The following BCAS4 variants were observed in gnomAD, a reference collection of about 807,000 sequenced individuals.
The protein encoded by BCAS4 is breast carcinoma amplified sequence 4.
A neutral mutation model predicts 15.7 loss-of-function variants in BCAS4; 9 were observed. The observed-to-expected ratio is 0.57, with a 90% confidence interval of 0.34 to 1.00. BCAS4 has a LOEUF of 1.00. BCAS4 is among the 50% of genes least tolerant of loss of function. BCAS4 has a pLI of 0.02. For missense variants in BCAS4, 225 were observed against 239.1 expected, an observed-to-expected ratio of 0.94 and a Z score of 0.39; for synonymous variants, 101 against 99.5, an observed-to-expected ratio of 1.02 and a Z score of -0.09.
chr20:50,858,163 C>G (rs1401779228), intron 4 of BCAS4, among the ~76,000 whole-genome samples: 2 of 152,192 alleles, frequency 1.3e-5, no homozygotes, highest in Admixed American at 6.5e-5. Context: ...TGGGGCTTGG[C>G]TCCAGGAACC....
chr20:50,865,521 G>A (rs1451883801), intron 4 of BCAS4, among the ~76,000 whole-genome samples: 1 of 152,182 alleles, frequency 6.6e-6, no homozygotes, highest in Non-Finnish European at 1.5e-5. Flanking sequence ...GCTAAAAGCA[G>A]AATCTGTGGG....
intron 1 of BCAS4, among the ~76,000 whole-genome samples, chr20:50,812,376 G>GC (rs111900093): frequency 2.7e-5 from 4 of 149,976 alleles, no homozygotes; most frequent in South Asian, 2.1e-4. Flanking sequence ...GTTGTGATCC[G>GC]CCCCCCCTTG....
intron 3 of BCAS4, chr20:50,841,011 G>A (rs747897455): frequency 1.5e-3 from 615 of 398,330 alleles, no homozygotes; most frequent in Non-Finnish European, 2.3e-3. Context: ...TGTATTTTTA[G>A]CAGAGACGCA....
At chr20:50,837,325 G>A (rs937822713) in intron 3 of BCAS4, among the ~76,000 whole-genome samples, 1 of 151,950 alleles carries the variant, frequency 6.6e-6, no homozygotes, top group Admixed American at 6.6e-5. Flanking sequence ...ATAGTGGCTC[G>A]GCCTGTAATC....
intron 3 of BCAS4, among the ~76,000 whole-genome samples, chr20:50,837,356 G>A (rs984771587): frequency 6.6e-6 from 1 of 152,154 alleles, no homozygotes; most frequent in Non-Finnish European, 1.5e-5. Flanking sequence ...GGAGGCCGAA[G>A]TGGGAGGATC....
chr20:50,834,222 C>G (rs6091220), intron 3 of BCAS4, among the ~76,000 whole-genome samples: 7,815 of 151,572 alleles, frequency 0.052, 224 homozygotes, highest in African/African-American at 0.071. Context: ...TTTTTTGATT[C>G]ATTCATTCAT....
rs529865241 is a variant in BCAS4 at position 50,807,337 on chromosome 20, C to T, written c.91-10874C>T. 3.3e-5 allele frequency among the ~76,000 whole-genome samples: 5 copies of T among 151,734 alleles called. No homozygotes were observed. In the East Asian group the frequency reaches 7.8e-4, roughly 24 times the overall value. ...CCTCCCAAGTAGCTGGGACTACAGGCATGTGCCACCATGCCCAGCTAATTT... is the reference window on the plus strand; with the variant it reads ...CCTCCCAAGTAGCTGGGACTACAGGTATGTGCCACCATGCCCAGCTAATTT... On this transcript the variant is annotated intron_variant, in intron 1 of 4. Transcript: ENST00000371608.
At chr20:50,833,982 C>G (rs185931203) in intron 3 of BCAS4, among the ~76,000 whole-genome samples, 61 of 152,214 alleles carry the variant, frequency 4.0e-4, no homozygotes, top group African/African-American at 1.3e-3. Context: ...GGGGAGGGAG[C>G]AGCTTGTGCA....
chr20:50,860,363 T>C (rs1203745946), intron 4 of BCAS4, among the ~76,000 whole-genome samples: 2 of 152,092 alleles, frequency 1.3e-5, no homozygotes, highest in Non-Finnish European at 2.9e-5. Context: ...CTGAGCAGGG[T>C]CCCGCCAGGT....
chr20:50,834,239 A>G (rs1446519431), intron 3 of BCAS4, among the ~76,000 whole-genome samples: 1 of 150,258 alleles, frequency 6.7e-6, no homozygotes, highest in East Asian at 1.9e-4. Context: ...TCATTCATTC[A>G]TTGTAGAGAC....
chr20:50,802,675 C>T (rs939508721), intron 1 of BCAS4, among the ~76,000 whole-genome samples: 1 of 152,188 alleles, frequency 6.6e-6, no homozygotes, highest in African/African-American at 2.4e-5. Context: ...AGTTCCAGAC[C>T]AGCCTGGCCA....
At chr20:50,824,492 G>A (rs1249476175) in intron 2 of BCAS4, among the ~76,000 whole-genome samples, 1 of 152,222 alleles carries the variant, frequency 6.6e-6, no homozygotes. Context: ...ACCTGGTTGG[G>A]TGTTTGTCCT....
chr20:50,795,215 G>C (rs1019332545), intron 1 of BCAS4, 42 bp downstream of exon 1: 1 of 1,335,372 alleles, frequency 7.5e-7, no homozygotes, highest in Non-Finnish European at 9.7e-7. Flanking sequence ...GGGTTCTCGC[G>C]GTTAGGGGTC....
At chr20:50,834,591 A>C (rs1446745464) in intron 3 of BCAS4, among the ~76,000 whole-genome samples, 1 of 152,184 alleles carries the variant, frequency 6.6e-6, no homozygotes, top group Non-Finnish European at 1.5e-5. Flanking sequence ...CACCACGTCC[A>C]GCAGATTATT....
In BCAS4 at chr20:50,867,040, T is replaced by TA. The variant is rs535066803; in HGVS notation, c.400-9436dup. Among the ~76,000 whole-genome samples the TA allele has an allele frequency of 6.4e-4, 97 of 150,678 alleles. 1 individual carries two copies. In the South Asian group the frequency reaches 7.6e-3, roughly 12 times the overall value. On this transcript the variant is annotated intron_variant, in intron 4 of 4. Coordinates refer to ENST00000371608, the MANE Select transcript of BCAS4 (RefSeq NM_198799.4). ...ACTGATCTGTTTCTTCTGTTGACTT[T>TA]AAAAAAAAAATTATAGAATTAGAGC...
At chr20:50,862,614 G>C (rs889331372) in intron 4 of BCAS4, among the ~76,000 whole-genome samples, 2 of 152,166 alleles carry the variant, frequency 1.3e-5, no homozygotes, top group Non-Finnish European at 2.9e-5. Context: ...AGAAGAGGCT[G>C]CCAGGGCTCC....
At chr20:50,834,218 G>GATTC (rs761695421) in intron 3 of BCAS4, among the ~76,000 whole-genome samples, 26 of 151,382 alleles carry the variant, frequency 1.7e-4, no homozygotes, top group South Asian at 4.2e-4. Context: ...TTCTTTTTTT[G>GATTC]ATTCATTCAT....
At chr20:50,857,149 G>T (rs8122581) in intron 4 of BCAS4, among the ~76,000 whole-genome samples, 34,122 of 151,894 alleles carry the variant, frequency 0.22, 4,774 homozygotes, top group African/African-American at 0.4. Context: ...CCTTTTTTTT[G>T]AGACAGAGTT....
chr20:50,794,996 G>A, upstream of BCAS4: 1 of 1,321,788 alleles, frequency 7.6e-7, no homozygotes, highest in Non-Finnish European at 9.7e-7. Context: ...CGCGGGGCAT[G>A]CAGCGGACCG....
Sources: gnomAD v4.1 joint callset for allele counts (sites outside exome capture counted in the v4.1 genomes callset) on GRCh38, gnomAD v4.1.1 for gene constraint, MANE v1.5 for transcripts, NCBI Gene and HGNC (gene_info 2026-07-23, HGNC 2026-07-21) for gene names.